DAB2IP: variants seen among roughly 807,000 people sequenced by gnomAD.
DAB2IP encodes the protein DAB2 interacting protein.
A neutral mutation model predicts 107.2 loss-of-function variants in DAB2IP; 28 were observed. That is an observed-to-expected ratio of 0.26 (90% CI 0.19 to 0.36). The LOEUF (loss-of-function observed/expected upper bound fraction) is 0.36. Among genes scored for constraint, DAB2IP ranks in the 10% least tolerant of loss-of-function variants. The probability of loss-of-function intolerance (pLI) is 1.00; values close to 1 mark genes in which losing one functional copy is unlikely to be tolerated. For synonymous variants in DAB2IP, 755 were observed against 706.4 expected (o/e 1.07, Z -1.09); for missense variants, 1,400 against 1,644.7 (o/e 0.85, Z 2.57).
At chr9:121,749,742 T>C (rs931074979) in intron 3 of DAB2IP, among the ~76,000 whole-genome samples, 2 of 152,142 alleles carry the variant, frequency 1.3e-5, no homozygotes, top group African/African-American at 2.4e-5. Context: ...ATTTGAGGCA[T>C]CCCAGAGCAT....
Position 121,736,445 on chromosome 9 carries a change from G to C in DAB2IP, c.363-20568G>C, listed in dbSNP as rs565771390. 2.0e-5 allele frequency among the ~76,000 whole-genome samples: 3 copies of C among 152,260 alleles called. No individual in the cohort carries two copies. The highest frequency in any genetic ancestry group is 4.1e-4 in the South Asian group (2 of 4,832). On this transcript the variant is annotated intron_variant, in intron 3 of 15. Coordinates refer to ENST00000408936, the Ensembl canonical transcript of DAB2IP. The surrounding 1 kb of genome is among the most constrained non-coding windows in gnomAD (Gnocchi z 4.6). ...CCCGCCCGGCGTGCCGAAGCGCAGC[G>C]GCGGGTCGCTAGCGGGAAGTGGCTG... is the stretch of plus-strand genomic sequence containing the variant.
rs1173082127 is a variant in DAB2IP at position 121,684,144 on chromosome 9, C to A, written c.228+5363C>A. Among the ~76,000 whole-genome samples the A allele has an allele frequency of 6.6e-6, 1 of 152,124 alleles. No homozygotes were observed. The highest frequency in any genetic ancestry group is 1.5e-5 in the Non-Finnish European group (1 of 68,020). ...TTCAGCTGTCTTTCTGTCACACAAA[C>A]TCAAGAAACAGGCATGTGAACACAA... On this transcript the variant is annotated intron_variant, in intron 2 of 15. Transcript: ENST00000408936. The surrounding 1 kb of genome is among the most constrained non-coding windows in gnomAD (Gnocchi z 4.0).
intron 1 of DAB2IP, among the ~76,000 whole-genome samples, chr9:121,674,457 G>A (rs1833805861): frequency 6.6e-6 from 1 of 152,180 alleles, no homozygotes; most frequent in Non-Finnish European, 1.5e-5. Flanking sequence ...GGTCAGGGAG[G>A]AGAGCCAGCC....
chr9:121,589,008 A>T (rs1451128533), intron 1 of DAB2IP, among the ~76,000 whole-genome samples: 1 of 151,384 alleles, frequency 6.6e-6, no homozygotes, highest in Non-Finnish European at 1.5e-5. Context: ...TCCAGCAACC[A>T]TCCAATCTCT....
At chr9:121,654,503 G>A (rs966790646) in intron 1 of DAB2IP, among the ~76,000 whole-genome samples, 1 of 152,124 alleles carries the variant, frequency 6.6e-6, no homozygotes, top group Non-Finnish European at 1.5e-5. Context: ...AGTTACAGCT[G>A]CAGCCAGGGT....
intron 1 of DAB2IP, among the ~76,000 whole-genome samples, chr9:121,622,689 A>G (rs368222193): frequency 6.6e-6 from 1 of 152,144 alleles, no homozygotes; most frequent in Non-Finnish European, 1.5e-5. Flanking sequence ...ACAGAAGTAC[A>G]CAAACTAATA....
At position 121,742,688 on chromosome 9, in the gene DAB2IP, C is replaced by T. The variant is rs1227461096; in HGVS notation, c.363-14325C>T. 14 of 970,442 alleles carry T rather than the reference C, an allele frequency of 1.4e-5. No individual in the cohort carries two copies. The South Asian group carries it at 1.9e-4, about 13-fold the overall frequency. The allele number at this position is 970,442 out of a possible 1,614,324, so 60.1% of individuals were successfully genotyped here. A position where few individuals can be genotyped will look rare whatever the true frequency, so the allele number is the denominator to read the frequency against. On this transcript the variant is annotated intron_variant, in intron 3 of 15. Transcript: ENST00000408936. ...TGCCTGAGTCCTGGGCTTGGAAGGA[C>T]GGTTGCCCCCATCTGCCTTGGTTCC... is the stretch of plus-strand genomic sequence containing the variant.
chr9:121,567,925 C>A (rs1288497132), intron 1 of DAB2IP, among the ~76,000 whole-genome samples: 1 of 152,056 alleles, frequency 6.6e-6, no homozygotes, highest in Non-Finnish European at 1.5e-5. Context: ...CTGGGATGCC[C>A]GGCACAGCCT....
intron 1 of DAB2IP, among the ~76,000 whole-genome samples, chr9:121,667,709 G>A (rs1833505763): frequency 6.6e-6 from 1 of 151,398 alleles, no homozygotes; most frequent in African/African-American, 2.4e-5. Context: ...TGTTGGCCAG[G>A]CTGGTCTTGA....
At chr9:121,753,833 G>A (rs1418130486) in intron 3 of DAB2IP, among the ~76,000 whole-genome samples, 3 of 152,330 alleles carry the variant, frequency 2.0e-5, no homozygotes, top group East Asian at 3.9e-4. Context: ...TGAGCGTCCC[G>A]GGTAGGGAAG....
At chr9:121,717,917 C>CCCTGTTTGGGCCGCGTTATGACAGT (rs1293321095) in intron 3 of DAB2IP, among the ~76,000 whole-genome samples, 11 of 152,326 alleles carry the variant, frequency 7.2e-5, no homozygotes, top group Admixed American at 3.9e-4. Context: ...CAGCCAAGGT[C>CCCTGTTTGGGCCGCGTTATGACAGT]CCTGTTTGGG....
At position 121,651,879 on chromosome 9, in the gene DAB2IP, G is replaced by T; in HGVS notation, c.104G>T (p.Ser35Ile). Residue 35 changes from serine to isoleucine, a missense_variant, in exon 1 of 16, where the codon AGC becomes ATC. Transcript: ENST00000408936. The surrounding 1 kb of genome is among the most constrained non-coding windows in gnomAD (Gnocchi z 5.1). ...CAGCGACAGAGGAGCCGCTCCCGCA[G>T]CCGGACCCGGCCTGCCAGGGGTAGG... is the stretch of plus-strand genomic sequence containing the variant. 2.1e-6 allele frequency: 3 copies of T among 1,428,810 alleles called. No individual in the cohort carries two copies. Among genetic ancestry groups the T allele is most frequent in the Non-Finnish European group, 2.8e-6 (3 of 1,085,524 alleles). The allele number at this position is 1,428,810 out of a possible 1,614,324, so 88.5% of individuals were successfully genotyped here.
At chr9:121,755,360 A>G (rs1485313708) in intron 3 of DAB2IP, among the ~76,000 whole-genome samples, 3 of 152,198 alleles carry the variant, frequency 2.0e-5, no homozygotes, top group African/African-American at 7.2e-5. Context: ...TTAGGCCACA[A>G]CGGGAAGCCC....
intron 13 of DAB2IP, among the ~76,000 whole-genome samples, chr9:121,775,219 G>A (rs1236034040): frequency 1.3e-5 from 2 of 152,138 alleles, no homozygotes; most frequent in South Asian, 2.1e-4. Context: ...GGATGCTCTC[G>A]CCCCGCTGGG....
intron 3 of DAB2IP, among the ~76,000 whole-genome samples, chr9:121,750,780 C>T (rs1474207622): frequency 6.6e-6 from 1 of 152,216 alleles, no homozygotes; most frequent in Non-Finnish European, 1.5e-5. Context: ...GCTTTTGTGT[C>T]ACCGACCTTT....
At chr9:121,655,980 TG>T (rs1211648610) in intron 1 of DAB2IP, among the ~76,000 whole-genome samples, 1 of 151,168 alleles carries the variant, frequency 6.6e-6, no homozygotes, top group Non-Finnish European at 1.5e-5. Context: ...TGTGCCACCA[TG>T]GGGGGTGGGT....
rs962541025 is a variant in DAB2IP at position 121,651,850 on chromosome 9, G to A, written c.75G>A (p.Arg25=). ...ACTACCGGCTGCTGAGGCGGCCCCG[G>A]CTGCAGCGACAGAGGAGCCGCTCCC... is the stretch of plus-strand genomic sequence containing the variant. The change falls in exon 1 of 16, where the codon CGG becomes CGA. Residue 25 remains arginine (R), a synonymous_variant. Transcript: ENST00000408936. The surrounding 1 kb of genome is among the most constrained non-coding windows in gnomAD (Gnocchi z 5.1). 1.4e-6 allele frequency: 2 copies of A among 1,464,814 alleles called. No homozygotes were observed. The highest frequency in any genetic ancestry group is 9.0e-7 in the Non-Finnish European group (1 of 1,105,392). 90.7% of individuals were successfully genotyped at this position (1,464,814 alleles called of 1,614,324 possible).
At chr9:121,766,820 A>G in intron 9 of DAB2IP, 90 bp downstream of exon 9, 1 of 1,336,894 alleles carries the variant, frequency 7.5e-7, no homozygotes, top group Non-Finnish European at 1.1e-6. Flanking sequence ...CAAGCTGAGC[A>G]GAGACCATAA....
chr9:121,742,079 C>T (rs571143034), intron 3 of DAB2IP, among the ~76,000 whole-genome samples: 1 of 152,200 alleles, frequency 6.6e-6, no homozygotes, highest in African/African-American at 2.4e-5. Context: ...AATGACTCAG[C>T]CCCTGTGGAG....
Sources: gnomAD v4.1 joint callset for allele counts (sites outside exome capture counted in the v4.1 genomes callset) on GRCh38, gnomAD v4.1.1 for gene constraint, Gnocchi (gnomAD v3.1) non-coding constraint, MANE v1.5 for transcripts, NCBI Gene and HGNC (gene_info 2026-07-23, HGNC 2026-07-21) for gene names.